The following ARHGEF26 variants were observed in gnomAD, a reference collection of about 807,000 sequenced individuals.
ARHGEF26 encodes the protein Rho guanine nucleotide exchange factor 26.
Under a neutral mutation model 89.4 loss-of-function variants are expected in ARHGEF26, and 59 were observed. That is an observed-to-expected ratio of 0.66 (90% CI 0.54 to 0.82). ARHGEF26 has a LOEUF of 0.82. ARHGEF26 is among the 40% of genes least tolerant of loss of function. The probability of loss-of-function intolerance (pLI) is 0.00; values close to 1 mark genes in which losing one functional copy is unlikely to be tolerated. For synonymous variants in ARHGEF26, 500 were observed against 428.4 expected (o/e 1.17, Z -2.06); for missense variants, 1,234 against 1,085.6 (o/e 1.14, Z -1.92).
chr3:154,220,094 G>A (rs1051969525), intron 10 of ARHGEF26, among the ~76,000 whole-genome samples: 6 of 152,118 alleles, frequency 3.9e-5, no homozygotes, highest in African/African-American at 9.7e-5. Context: ...GGAAATACTC[G>A]TAAAATCTTA....
At chr3:154,230,740 A>AACCAGT (rs2108268138) in intron 11 of ARHGEF26, among the ~76,000 whole-genome samples, 1 of 152,324 alleles carries the variant, frequency 6.6e-6, no homozygotes, top group Admixed American at 6.5e-5. Context: ...TACTGTGTAT[A>AACCAGT]GCTTGAGCCC....
Position 154,122,471 on chromosome 3 carries a change from A to T in ARHGEF26, c.479A>T (p.Glu160Val). The change falls in exon 2 of 15, where the codon GAG (glutamate) becomes GTG (valine). Residue 160 changes from glutamate to valine, a missense_variant. Glu to Val is a moderately radical substitution (Grantham distance 121). Coordinates refer to ENST00000465093, the MANE Select transcript of ARHGEF26 (RefSeq NM_015595.4). ...PNAPAPCTPE[E>V]DLTGLTASPV... The stretch of plus-strand genomic sequence containing the variant: ...GCGCCCGCCCCCTGCACCCCCGAGG[A>T]GGACCTTACTGGGTTGACTGCCAGC... The T allele has an allele frequency of 6.2e-7, 1 of 1,612,490 alleles. No individual in the cohort carries two copies. Among genetic ancestry groups the T allele is most frequent in the Non-Finnish European group, 8.5e-7 (1 of 1,179,682 alleles).
At chr3:154,212,136 C>A (rs569471838) in intron 9 of ARHGEF26, among the ~76,000 whole-genome samples, 4 of 151,980 alleles carry the variant, frequency 2.6e-5, no homozygotes, top group Admixed American at 1.3e-4. Flanking sequence ...CCCAGGAGTT[C>A]GAGACCAGCC....
chr3:154,252,452 GTGCT>G (rs1250920091), intron 12 of ARHGEF26, among the ~76,000 whole-genome samples: 6 of 152,138 alleles, frequency 3.9e-5, no homozygotes, highest in African/African-American at 1.2e-4. Flanking sequence ...ATGTAGAGAA[GTGCT>G]TGCTTATCTG....
At chr3:154,147,124 G>T (rs1398231571) in intron 4 of ARHGEF26, among the ~76,000 whole-genome samples, 1 of 152,176 alleles carries the variant, frequency 6.6e-6, no homozygotes, top group Non-Finnish European at 1.5e-5. Context: ...TAAAAATGAG[G>T]CCGGACATGG....
intron 10 of ARHGEF26, 45 bp from the exon 11 acceptor site, chr3:154,225,811 G>A (rs1407059744): frequency 6.5e-7 from 1 of 1,549,236 alleles, no homozygotes. Flanking sequence ...AAACTTAAAA[G>A]GATTTCAATT....
intron 9 of ARHGEF26, among the ~76,000 whole-genome samples, chr3:154,195,639 C>T (rs1484408184): frequency 6.6e-6 from 1 of 152,096 alleles, no homozygotes; most frequent in Non-Finnish European, 1.5e-5. Flanking sequence ...CCTTCATCTA[C>T]GATAGAAACA....
At chr3:154,234,743 GTTTA>G (rs1162375251) in intron 11 of ARHGEF26, among the ~76,000 whole-genome samples, 1 of 152,018 alleles carries the variant, frequency 6.6e-6, no homozygotes, top group Non-Finnish European at 1.5e-5. Context: ...TTTACAGTAT[GTTTA>G]TTTTTTAATT....
At chr3:154,169,740 G>C (rs1324917999) in intron 6 of ARHGEF26, among the ~76,000 whole-genome samples, 2 of 152,186 alleles carry the variant, frequency 1.3e-5, no homozygotes, top group Non-Finnish European at 2.9e-5. Flanking sequence ...ATTGGCGTGA[G>C]TTCATTGTTA....
chr3:154,249,256 G>A (rs1211763925), intron 12 of ARHGEF26, among the ~76,000 whole-genome samples: 1 of 152,146 alleles, frequency 6.6e-6, no homozygotes, highest in East Asian at 1.9e-4. Context: ...TACTTTCTCA[G>A]TATGTATCTA....
intron 11 of ARHGEF26, among the ~76,000 whole-genome samples, chr3:154,231,332 G>A (rs1716812148): frequency 6.6e-6 from 1 of 152,140 alleles, no homozygotes; most frequent in East Asian, 1.9e-4. Context: ...GTTAAATGTT[G>A]AAAGCTGCCA....
intron 8 of ARHGEF26, 77 bp from the exon 9 acceptor site, chr3:154,194,567 G>A: frequency 4.8e-6 from 5 of 1,050,994 alleles, no homozygotes; most frequent in Non-Finnish European, 7.2e-6. Context: ...ATGAGTAAAA[G>A]GATATGGCTG....
At chr3:154,170,256 G>T (rs552383418) in intron 6 of ARHGEF26, among the ~76,000 whole-genome samples, 2 of 152,096 alleles carry the variant, frequency 1.3e-5, no homozygotes, top group Non-Finnish European at 2.9e-5. Flanking sequence ...CAGCTACTCA[G>T]GAGCTGAGGT....
At chr3:154,126,757 C>T (rs1252521732) in intron 3 of ARHGEF26, among the ~76,000 whole-genome samples, 1 of 152,070 alleles carries the variant, frequency 6.6e-6, no homozygotes, top group African/African-American at 2.4e-5. Flanking sequence ...GCTTTTGCCA[C>T]GTTGACTTTC....
At chr3:154,255,277 C>A (rs575743404) in intron 14 of ARHGEF26, 54 bp from the exon 15 acceptor site, 1 of 1,562,260 alleles carries the variant, frequency 6.4e-7, no homozygotes. Flanking sequence ...ATCCTTGGAG[C>A]CTGGCACACT....
chr3:154,192,592 C>T (rs1003474401), intron 8 of ARHGEF26, among the ~76,000 whole-genome samples: 3 of 152,158 alleles, frequency 2.0e-5, no homozygotes, highest in East Asian at 1.9e-4. Flanking sequence ...TTGAACATTT[C>T]ACTTTCTGAT....
intron 11 of ARHGEF26, among the ~76,000 whole-genome samples, chr3:154,226,660 T>TACAC (rs3029724): frequency 0.088 from 13,064 of 148,040 alleles, 732 homozygotes; most frequent in Non-Finnish European, 0.13. Flanking sequence ...GTTTCTGTTC[T>TACAC]ACACACACAC....
chr3:154,189,606 G>T (rs2108182961), intron 7 of ARHGEF26, among the ~76,000 whole-genome samples: 1 of 152,136 alleles, frequency 6.6e-6, no homozygotes, highest in East Asian at 1.9e-4. Context: ...CAAAGTGCTG[G>T]GATTACACGC....
intron 11 of ARHGEF26, among the ~76,000 whole-genome samples, chr3:154,233,995 C>T (rs966260157): frequency 6.6e-6 from 1 of 152,096 alleles, no homozygotes; most frequent in African/African-American, 2.4e-5. Flanking sequence ...AGAATATATG[C>T]CAAAAATCAT....
Sources: allele counts gnomAD v4.1 joint callset (sites outside exome capture counted in the v4.1 genomes callset), GRCh38; gene constraint gnomAD v4.1.1; transcripts MANE v1.5; gene names NCBI Gene and HGNC (gene_info 2026-07-23, HGNC 2026-07-21).